DNAH2: variants seen among roughly 807,000 people sequenced by gnomAD.
DNAH2 encodes the protein dynein axonemal heavy chain 2, also known as axonemal beta dynein heavy chain 2.
Under a neutral mutation model 523.5 loss-of-function variants are expected in DNAH2, and 323 were observed. The observed-to-expected ratio is 0.62, with a 90% CI of 0.56 to 0.68. The LOEUF (loss-of-function observed/expected upper bound fraction) is 0.68, where lower values mean the gene tolerates loss of function less well. Among genes scored for constraint, DNAH2 ranks in the 30% least tolerant of loss-of-function variants. The pLI is 0.00. For missense variants in DNAH2, 4,907 were observed against 5,701.5 expected, an observed-to-expected ratio of 0.86 and a Z score of 4.49; for synonymous variants, 2,093 against 2,177.4, an observed-to-expected ratio of 0.96 and a Z score of 1.08.
chr17:7,775,046 AG>A, intron 29 of DNAH2, 70 bp downstream of exon 29: 1 of 1,495,556 alleles, frequency 6.7e-7, no homozygotes, highest in Non-Finnish European at 9.2e-7. Context: ...AAAGCTTTGG[AG>A]GGGACCCTGC....
intron 8 of DNAH2, 106 bp downstream of exon 8, chr17:7,737,364 A>C (rs1313310084): frequency 8.1e-7 from 1 of 1,228,846 alleles, no homozygotes; most frequent in Non-Finnish European, 1.1e-6. Flanking sequence ...AAAGGTAGTG[A>C]AGATTGCCCT....
At chr17:7,721,875 T>C (rs940039832) in intron 2 of DNAH2, among the ~76,000 whole-genome samples, 3 of 152,192 alleles carry the variant, frequency 2.0e-5, no homozygotes, top group African/African-American at 7.2e-5. Context: ...CTGATTCCTA[T>C]GAGCCCCAAC....
intron 11 of DNAH2, among the ~76,000 whole-genome samples, chr17:7,742,041 G>A (rs758356576): frequency 1.3e-5 from 2 of 152,162 alleles, no homozygotes; most frequent in Non-Finnish European, 2.9e-5. Context: ...AGAAGATACA[G>A]CCTCATGATC....
intron 67 of DNAH2, 42 bp downstream of exon 67, chr17:7,817,898 G>GC (rs768596442): frequency 6.2e-7 from 1 of 1,613,910 alleles, no homozygotes; most frequent in African/African-American, 1.3e-5. Flanking sequence ...CCTTCCTGAG[G>GC]CCCCACCTCT....
intron 63 of DNAH2, among the ~76,000 whole-genome samples, chr17:7,812,047 C>T (rs1381824974): frequency 2.6e-5 from 4 of 152,048 alleles, no homozygotes; most frequent in Admixed American, 6.5e-5. Context: ...TGCCAAAGAC[C>T]GTAGAAGAAA....
At chr17:7,758,090 G>C (rs1242492100) in intron 13 of DNAH2, among the ~76,000 whole-genome samples, 3 of 152,172 alleles carry the variant, frequency 2.0e-5, no homozygotes, top group African/African-American at 7.2e-5. Flanking sequence ...TGGGTGTCTA[G>C]AACTGCAGTG....
Position 7,780,203 on chromosome 17 carries a change from C to G in DNAH2, c.5769C>G (p.Phe1923Leu), listed in dbSNP as rs2076565343. Residue 1923 changes from phenylalanine to leucine, a missense_variant, in exon 37 of 86, where the codon TTC becomes TTG. Coordinates refer to ENST00000572933, the MANE Select transcript of DNAH2 (RefSeq NM_020877.5). This position sits in a 1 kb window ranked among gnomAD's most constrained non-coding sequence, Gnocchi z 4.4. ...TELPENLKSM[F>L]RPIAMVVPDS... ...TTCCCGAAAATCTTAAATCCATGTT[C>G]CGCCCAATTGCCATGGTGGTGCCTG... 1 of 1,614,038 alleles carries G rather than the reference C, an allele frequency of 6.2e-7. No individual in the cohort carries two copies. The highest frequency in any genetic ancestry group is 1.3e-5 in the African/African-American group (1 of 74,926).
rs1166745294 is a variant in DNAH2, at chr17:7,733,098, G to C, written c.411G>C (p.Gln137His). The change falls in exon 5 of 86, where the codon CAG becomes CAC. Residue 137 changes from glutamine to histidine, a missense_variant. Gln to His is a conservative substitution (Grantham distance 24, BLOSUM62 0). Around this residue, in one of 3 missense-constraint regions of DNAH2, gnomAD observed 2,806 missense variants for 3,190.8 expected, o/e 0.88. Coordinates refer to ENST00000572933, the MANE Select transcript of DNAH2 (RefSeq NM_020877.5). ...TGTCTTCCATGCAGACCCAGAACCA[G>C]CTTGTCTACTTCATTCGCCAAGCAC... is the stretch of plus-strand genomic sequence containing the variant. ...ELGMPVQTQN[Q>H]LVYFIRQAPV... 2 of 1,614,156 alleles carry C rather than the reference G, an allele frequency of 1.2e-6. No homozygotes were observed. Among genetic ancestry groups the C allele is most frequent in the Non-Finnish European group, 1.7e-6 (2 of 1,180,036 alleles).
chr17:7,764,384 C>G (rs2076094660), intron 20 of DNAH2, 111 bp downstream of exon 20: 1 of 1,381,906 alleles, frequency 7.2e-7, no homozygotes, highest in Non-Finnish European at 9.8e-7. Flanking sequence ...GGAGGAGACT[C>G]TAGATTTGAA....
intron 21 of DNAH2, 126 bp from the exon 22 acceptor site, chr17:7,766,192 C>T: frequency 1.9e-6 from 2 of 1,027,158 alleles, no homozygotes; most frequent in Non-Finnish European, 2.9e-6. Context: ...TTCCCTCTTA[C>T]TCTCCTTCCC....
At chr17:7,788,294 T>G in intron 44 of DNAH2, 50 bp downstream of exon 44, 2 of 1,503,298 alleles carry the variant, frequency 1.3e-6, no homozygotes, top group Non-Finnish European at 8.9e-7. Context: ...GCTCACAGCC[T>G]CACCAGAACA....
intron 79 of DNAH2, 68 bp downstream of exon 79, chr17:7,830,910 TG>T (rs1295056285): frequency 1.3e-6 from 2 of 1,593,458 alleles, no homozygotes; most frequent in African/African-American, 1.4e-5. Flanking sequence ...GGATCAGGGG[TG>T]GGGGTAATGT....
rs1465814815 is a variant in DNAH2, at chr17:7,733,114, C to T, written c.427C>T (p.Arg143Cys). Residue 143 changes from arginine (R) to cysteine (C), a missense_variant, in exon 5 of 86, where the codon CGC (arginine) becomes TGC (cysteine). Physicochemically the swap from Arg to Cys is radical, Grantham distance 180. This residue lies in a region of DNAH2 where 2,806 missense variants were observed against 3,190.8 expected (regional missense o/e 0.88). Coordinates refer to ENST00000572933, the MANE Select transcript of DNAH2 (RefSeq NM_020877.5). ...CCAGAACCAGCTTGTCTACTTCATT[C>T]GCCAAGCACCAGTTCCCATCACCTG... ...QTQNQLVYFI[R>C]QAPVPITWEN... 8 of 1,614,062 alleles carry T rather than the reference C, an allele frequency of 5.0e-6. No individual in the cohort carries two copies. The highest frequency in any genetic ancestry group is 1.3e-5 in the African/African-American group (1 of 74,930).
At chr17:7,742,847 C>A in intron 11 of DNAH2, 81 bp from the exon 12 acceptor site, 1 of 1,020,922 alleles carries the variant, frequency 9.8e-7, no homozygotes, top group Non-Finnish European at 1.3e-6. Flanking sequence ...CGCATGCGCG[C>A]ATGTGTAGGT....
chr17:7,768,328 G>T, intron 24 of DNAH2, 61 bp downstream of exon 24: 1 of 1,555,912 alleles, frequency 6.4e-7, no homozygotes, highest in South Asian at 1.1e-5. Flanking sequence ...GCCACCACTT[G>T]GTCCCTCCCA....
intron 12 of DNAH2, among the ~76,000 whole-genome samples, chr17:7,748,125 A>G (rs1046390588): frequency 6.6e-6 from 1 of 152,226 alleles, no homozygotes. Flanking sequence ...TATATCCCAA[A>G]TATTTGAACT....
chr17:7,777,549 A>G lies in DNAH2; in HGVS notation c.5162A>G (p.Asp1721Gly), dbSNP rs769573670. 1.9e-6 allele frequency: 3 copies of G among 1,613,954 alleles called. No homozygotes were observed. Among genetic ancestry groups the G allele is most frequent in the East Asian group, 2.2e-5 (1 of 44,898 alleles). The change falls in exon 33 of 86, where the codon GAT becomes GGT. Residue 1721 changes from aspartate to glycine, a missense_variant. This residue lies in a region of DNAH2 where 2,806 missense variants were observed against 3,190.8 expected (regional missense o/e 0.88). Transcript: ENST00000572933. The stretch of plus-strand genomic sequence containing the variant: ...GTGACGATAGAAATTCATGCCCGGG[A>G]TGTGTTGGAGAAGCTTTACAAGAGT... ...ALVTIEIHAR[D>G]VLEKLYKSGL...
Position 7,778,367 on chromosome 17 carries a change from C to G in DNAH2, c.5439C>G (p.Val1813=). 2 of 1,614,246 alleles carry G rather than the reference C, an allele frequency of 1.2e-6. No homozygotes were observed. Residue 1813 remains valine, a synonymous_variant, in exon 35 of 86, where the codon GTC becomes GTG. Transcript: ENST00000572933. ...GPAGTGKTET[V]KDLGKALGIY... ...CAGGCACAGGCAAGACCGAGACCGT[C>G]AAGGACCTGGGCAAGGCCCTGGGCA...
chr17:7,774,652 C>T (rs2076400237), intron 28 of DNAH2, 107 bp from the exon 29 acceptor site: 3 of 926,702 alleles, frequency 3.2e-6, no homozygotes, highest in African/African-American at 1.7e-5. Context: ...TCATGGCAGT[C>T]TGTGCCCCAC....
Sources: gnomAD v4.1 joint callset for allele counts (sites outside exome capture counted in the v4.1 genomes callset) on GRCh38, gnomAD v4.1.1 for gene constraint, gnomAD v4.1.1 regional missense constraint, Gnocchi (gnomAD v3.1) non-coding constraint, MANE v1.5 for transcripts, NCBI Gene and HGNC (gene_info 2026-07-23, HGNC 2026-07-21) for gene names.